REST: variants seen among roughly 807,000 people sequenced by gnomAD.
REST encodes the protein RE1-silencing transcription factor.
A neutral mutation model predicts 30.4 loss-of-function variants in REST; 1 was observed. The observed-to-expected ratio is 0.03, with a 90% CI of 0.01 to 0.16. REST has a LOEUF of 0.16. Among genes scored for constraint, REST ranks in the 10% least tolerant of loss-of-function variants. The pLI is 1.00. For missense variants in REST, 1,259 were observed against 1,329.5 expected, an observed-to-expected ratio of 0.95 and a Z score of 0.82; for synonymous variants, 504 against 451.1, an observed-to-expected ratio of 1.12 and a Z score of -1.49.
At chr4:56,920,241 A>G (rs1720385790) in intron 3 of REST, among the ~76,000 whole-genome samples, 1 of 151,958 alleles carries the variant, frequency 6.6e-6, no homozygotes, top group Non-Finnish European at 1.5e-5. Context: ...CGTGTGGTTG[A>G]CAAGTGTCAG....
rs1259370792 is a variant in REST, at chr4:56,934,726, G to T, written c.*2574G>T. 2.6e-5 allele frequency: 4 copies of T among 152,090 alleles called. No homozygotes were observed. The highest frequency in any genetic ancestry group is 9.7e-5 in the African/African-American group (4 of 41,410). 9.4% of individuals were successfully genotyped at this position (152,090 alleles called of 1,614,324 possible). A position where few individuals can be genotyped will look rare whatever the true frequency, so the allele number is the denominator to read the frequency against. On this transcript the variant is annotated 3_prime_UTR_variant, in exon 4 of 4. Coordinates refer to ENST00000309042, the MANE Select transcript of REST (RefSeq NM_005612.5). ...TTTCTAGTCCCCCTCCCCCACACTG[G>T]ATAGAATTTAGCCTAGAATTTTCCC...
At chr4:56,916,309 C>T (rs1720191604) in intron 2 of REST, among the ~76,000 whole-genome samples, 1 of 152,126 alleles carries the variant, frequency 6.6e-6, no homozygotes, top group South Asian at 2.1e-4. Context: ...ACTAAGCTTT[C>T]TGGAGGAGAG....
intron 3 of REST, among the ~76,000 whole-genome samples, chr4:56,922,942 C>G (rs558244028): frequency 1.3e-5 from 2 of 152,186 alleles, no homozygotes; most frequent in Admixed American, 6.6e-5. Flanking sequence ...ATACTTTTAT[C>G]CTTTCGTTCA....
At chr4:56,920,252 G>A (rs1342584607) in intron 3 of REST, among the ~76,000 whole-genome samples, 1 of 151,754 alleles carries the variant, frequency 6.6e-6, no homozygotes, top group African/African-American at 2.4e-5. Flanking sequence ...CAAGTGTCAG[G>A]GATTCCTTCT....
At chr4:56,913,884 G>A (rs1343398055) in intron 2 of REST, among the ~76,000 whole-genome samples, 4 of 151,976 alleles carry the variant, frequency 2.6e-5, no homozygotes, top group African/African-American at 9.7e-5. Flanking sequence ...TCCTGACCTC[G>A]TGATCTGCCT....
chr4:56,925,054 A>T (rs1029847832), intron 3 of REST, among the ~76,000 whole-genome samples: 1 of 150,486 alleles, frequency 6.6e-6, no homozygotes, highest in African/African-American at 2.4e-5. Flanking sequence ...AATCCCAGCT[A>T]CTCCGGAGGC....
In REST at chr4:56,934,256, T is replaced by TA. The variant is rs1422793899; in HGVS notation, c.*2105dup. On this transcript the variant is annotated 3_prime_UTR_variant, in exon 4 of 4. Coordinates refer to ENST00000309042, the MANE Select transcript of REST (RefSeq NM_005612.5). ...GTTCATGGGTACATTTTACCTAAGTTACCGTTTACATTGTATAGAAAAAGA... is the reference window on the plus strand; with the variant it reads ...GTTCATGGGTACATTTTACCTAAGTTAACCGTTTACATTGTATAGAAAAAGA... 5 of 152,224 alleles carry TA rather than the reference T, an allele frequency of 3.3e-5. No individual in the cohort carries two copies. The highest frequency in any genetic ancestry group is 2.6e-4 in the Admixed American group (4 of 15,274). The allele number at this position is 152,224 out of a possible 1,614,324, so 9.4% of individuals were successfully genotyped here. A position where few individuals can be genotyped will look rare whatever the true frequency, so the allele number is the denominator to read the frequency against.
In REST at chr4:56,934,842, G is replaced by A. The variant is rs1340493978; in HGVS notation, c.*2690G>A. The A allele has an allele frequency of 6.6e-6, 1 of 152,076 alleles. No homozygotes were observed. Among genetic ancestry groups the A allele is most frequent in the African/African-American group, 2.4e-5 (1 of 41,416 alleles). The allele number at this position is 152,076 out of a possible 1,614,324, so 9.4% of individuals were successfully genotyped here. A position where few individuals can be genotyped will look rare whatever the true frequency, so the allele number is the denominator to read the frequency against. ...CTTGAAATACTAGCATATATTATAA[G>A]CCTTAATCTTAGGTAGTCTTATGAA... On this transcript the variant is annotated 3_prime_UTR_variant, in exon 4 of 4. Coordinates refer to ENST00000309042, the MANE Select transcript of REST (RefSeq NM_005612.5).
chr4:56,932,791 CT>C lies in REST; in HGVS notation c.*643del, dbSNP rs143550781. 2.1e-3 allele frequency: 304 copies of C among 147,548 alleles called. 3 individuals are homozygous for C. Among genetic ancestry groups the C allele is most frequent in the African/African-American group, 7.4e-3 (295 of 39,920 alleles). The allele number at this position is 147,548 out of a possible 1,614,324, so 9.1% of individuals were successfully genotyped here. ...TTAAGATGTTGCACATTTTTTTTTT[CT>C]TTTGGTTTCTGTTTATGTTTTTTTG... On this transcript the variant is annotated 3_prime_UTR_variant, in exon 4 of 4. Transcript: ENST00000309042.
intron 3 of REST, 119 bp from the exon 4 acceptor site, chr4:56,929,722 G>A (rs1393233489): frequency 1.3e-6 from 1 of 772,666 alleles, no homozygotes; most frequent in African/African-American, 1.8e-5. Context: ...TAAATGTAAG[G>A]TGCATGATAC....
chr4:56,930,730 G>A lies in REST; in HGVS notation c.1872G>A (p.Gly624=). The A allele has an allele frequency of 6.2e-7, 1 of 1,602,756 alleles. No homozygotes were observed. Among genetic ancestry groups the A allele is most frequent in the Non-Finnish European group, 8.5e-7 (1 of 1,176,978 alleles). ...GPAPTEAVQK[G]PVQVEPPPPM... is the part of the protein sequence containing the mutation. ...CTCCCACAGAGGCGGTTCAGAAGGGGCCCGTTCAGGTGGAGCCGCCACCTC... is the reference window on the plus strand; with the variant it reads ...CTCCCACAGAGGCGGTTCAGAAGGGACCCGTTCAGGTGGAGCCGCCACCTC... Residue 624 remains glycine (G), a synonymous_variant, in exon 4 of 4, where the codon GGG becomes GGA. Transcript: ENST00000309042.
intron 3 of REST, among the ~76,000 whole-genome samples, chr4:56,921,849 A>G (rs893608757): frequency 6.6e-6 from 1 of 152,218 alleles, no homozygotes; most frequent in African/African-American, 2.4e-5. Flanking sequence ...AAAGTAATAA[A>G]ATTAATTTTA....
intron 2 of REST, among the ~76,000 whole-genome samples, chr4:56,916,643 A>C (rs187492424): frequency 1.3e-5 from 2 of 152,356 alleles, no homozygotes; most frequent in East Asian, 3.9e-4. Flanking sequence ...TCTCAAAAAA[A>C]AATAATAATA....
chr4:56,909,420 GGTCTTCCTAACAATCGTTAAAATTCCATT>G (rs1719792583), intron 1 of REST: 1 of 152,276 alleles, frequency 6.6e-6, no homozygotes, highest in South Asian at 2.1e-4. Flanking sequence ...GTGCCTGGAC[GGTCTTCCTAACAATCGTTAAAATTCCATT>G]TGGGGTGGCA....
In REST at chr4:56,931,995, A is replaced by T. The variant is rs1251981173; in HGVS notation, c.3137A>T (p.Asn1046Ile). 2 of 1,614,110 alleles carry T rather than the reference A, an allele frequency of 1.2e-6. No homozygotes were observed. The highest frequency in any genetic ancestry group is 1.7e-6 in the Non-Finnish European group (2 of 1,180,046). ...RPVPQESSRKNAKEALAVKAA... is the reference protein window; with the variant it reads ...RPVPQESSRKIAKEALAVKAA... The stretch of plus-strand genomic sequence containing the variant: ...GTTCCACAAGAATCTAGCAGAAAAA[A>T]TGCAAAGGAAGCCTTGGCAGTCAAA... The change falls in exon 4 of 4, where the codon AAT (asparagine) becomes ATT (isoleucine). Residue 1046 changes from asparagine to isoleucine, a missense_variant. Physicochemically the swap from Asn to Ile is moderately radical, Grantham distance 149 (BLOSUM62 -3). Transcript: ENST00000309042.
intron 3 of REST, among the ~76,000 whole-genome samples, chr4:56,923,342 A>C (rs1315385487): frequency 6.6e-6 from 1 of 152,218 alleles, no homozygotes; most frequent in Non-Finnish European, 1.5e-5. Context: ...ATCATGCCTC[A>C]CTGCAACTTC....
intron 3 of REST, among the ~76,000 whole-genome samples, chr4:56,926,056 C>T (rs1446174619): frequency 6.6e-6 from 1 of 152,094 alleles, no homozygotes; most frequent in African/African-American, 2.4e-5. Context: ...TAAGAGTCTT[C>T]CCCTTGATTG....
At chr4:56,914,691 T>C (rs1004859570) in intron 2 of REST, among the ~76,000 whole-genome samples, 1 of 152,122 alleles carries the variant, frequency 6.6e-6, no homozygotes, top group Non-Finnish European at 1.5e-5. Context: ...TTAGCTGGGA[T>C]TACAGGTGCC....
In REST at chr4:56,931,429, A is replaced by C; in HGVS notation, c.2571A>C (p.Thr857=). 1 of 1,614,264 alleles carries C rather than the reference A, an allele frequency of 6.2e-7. No homozygotes were observed. Among genetic ancestry groups the C allele is most frequent in the African/African-American group, 1.3e-5 (1 of 75,066 alleles). ...GGCTTCTAAAGGAAAGTGTAAGCACAGAGGATCTCTCACCACCATCACCAC... is the reference window on the plus strand; with the variant it reads ...GGCTTCTAAAGGAAAGTGTAAGCACCGAGGATCTCTCACCACCATCACCAC... The part of the protein sequence containing the change: ...DSWLLKESVS[T]EDLSPPSPPL... The change falls in exon 4 of 4, where the codon ACA becomes ACC. Residue 857 remains threonine, a synonymous_variant. Coordinates refer to ENST00000309042, the MANE Select transcript of REST (RefSeq NM_005612.5).
Sources: gnomAD v4.1 joint callset for allele counts (sites outside exome capture counted in the v4.1 genomes callset) on GRCh38, gnomAD v4.1.1 for gene constraint, MANE v1.5 for transcripts, NCBI Gene and HGNC (gene_info 2026-07-23, HGNC 2026-07-21) for gene names.